Variants in STK3 observed in about 807,000 individuals in gnomAD.
STK3 encodes the protein serine/threonine kinase 3.
Under a neutral mutation model 58.0 loss-of-function variants are expected in STK3, and 41 were observed. That is an observed-to-expected ratio of 0.71 (90% CI 0.55 to 0.92). STK3 has a LOEUF of 0.92. Among genes scored for constraint, STK3 ranks in the 40% least tolerant of loss-of-function variants. The pLI, the probability that STK3 is intolerant of heterozygous loss-of-function variation, is 0.00. For missense variants in STK3, 479 were observed against 602.7 expected (o/e 0.79, Z 2.15); for synonymous variants, 170 against 191.0 (o/e 0.89, Z 0.91).
intron 10 of STK3, among the ~76,000 whole-genome samples, chr8:98,484,279 G>A (rs910612271): frequency 2.0e-5 from 3 of 152,078 alleles, no homozygotes; most frequent in Non-Finnish European, 2.9e-5. Context: ...AATAGTTTTA[G>A]TTTGATACCA....
intron 6 of STK3, 25 bp downstream of exon 6, chr8:98,706,442 T>C: frequency 6.3e-7 from 1 of 1,593,682 alleles, no homozygotes; most frequent in South Asian, 1.2e-5. Flanking sequence ...AGGCTAACAT[T>C]TTCAGCAAAC....
At chr8:98,483,165 G>A (rs1821983332) in intron 10 of STK3, among the ~76,000 whole-genome samples, 1 of 152,152 alleles carries the variant, frequency 6.6e-6, no homozygotes, top group Admixed American at 6.5e-5. Context: ...CTCAAGTCAA[G>A]GCTAGGATGC....
chr8:98,897,168 T>A (rs1328617359), intron 1 of STK3, among the ~76,000 whole-genome samples: 2 of 152,158 alleles, frequency 1.3e-5, no homozygotes, highest in Non-Finnish European at 2.9e-5. Context: ...TCCCAATCCA[T>A]CAGTCTCACT....
chr8:98,905,598 A>C, intron 1 of STK3: 1 of 1,012,676 alleles, frequency 9.9e-7, no homozygotes, highest in Non-Finnish European at 1.6e-6. Context: ...CACCTTCCCT[A>C]CTGCTTGAAA....
rs575195891 is a variant in STK3 at position 98,816,499 on chromosome 8, A to C, written c.26+9016T>G. On this transcript the variant is annotated intron_variant, in intron 1 of 10. Coordinates refer to ENST00000419617, the MANE Select transcript of STK3 (RefSeq NM_006281.4). ...GCACTCCAGCCTCAGTGACAGGGCA[A>C]GATCCTGTCTCAAAAAACAAACAAA... 5.9e-5 allele frequency among the ~76,000 whole-genome samples: 9 copies of C among 152,028 alleles called. No individual in the cohort carries two copies. The South Asian group carries it at 1.9e-3, about 32-fold the overall frequency.
At chr8:98,563,710 T>C (rs377683199) in intron 8 of STK3, among the ~76,000 whole-genome samples, 170 of 152,260 alleles carry the variant, frequency 1.1e-3, no homozygotes, top group African/African-American at 2.4e-3. Flanking sequence ...GATGGGGATA[T>C]GTCATAGGGA....
chr8:98,536,858 T>C (rs1009436512), intron 9 of STK3, among the ~76,000 whole-genome samples: 32 of 152,236 alleles, frequency 2.1e-4, no homozygotes, highest in African/African-American at 7.7e-4. Context: ...GCAGTTTCAC[T>C]GCAGAAACAT....
In STK3 at chr8:98,847,723, T is replaced by TG. The variant is rs1554690035; in HGVS notation, c.110+35923_110+35924insC. Among the ~76,000 whole-genome samples, 90 of 152,244 alleles carry TG rather than the reference T, an allele frequency of 5.9e-4. 1 individual carries two copies. The highest frequency in any genetic ancestry group is 1.8e-3 in the African/African-American group (73 of 41,528). ...CTCTTTTTTTAAAAAAAAGGTTTTT[T>TG]TTTGTTTGTTTGTTTTTACTTTTAA... On this transcript the variant is annotated intron_variant, in intron 3 of 12. Transcript: ENST00000523601.
At chr8:98,868,045 A>G (rs1837209036) in intron 3 of STK3, among the ~76,000 whole-genome samples, 1 of 152,188 alleles carries the variant, frequency 6.6e-6, no homozygotes, top group Admixed American at 6.5e-5. Flanking sequence ...TGGATGTTCC[A>G]TGGATCTGAA....
chr8:98,672,728 T>G (rs908432991), intron 6 of STK3, among the ~76,000 whole-genome samples: 2 of 152,170 alleles, frequency 1.3e-5, no homozygotes, highest in African/African-American at 4.8e-5. Flanking sequence ...AGTAAAGGGT[T>G]AAGATGATTT....
chr8:98,892,618 C>T (rs1350846948), intron 1 of STK3, among the ~76,000 whole-genome samples: 2 of 152,272 alleles, frequency 1.3e-5, no homozygotes, highest in South Asian at 2.1e-4. Flanking sequence ...GCTTGGTACA[C>T]TCTCCCCGTT....
intron 1 of STK3, among the ~76,000 whole-genome samples, chr8:98,917,430 A>G (rs1431510399): frequency 1.3e-5 from 2 of 151,950 alleles, no homozygotes; most frequent in East Asian, 1.9e-4. Flanking sequence ...AACGTTTGTG[A>G]CCCCCAAAAA....
chr8:98,543,029 G>C (rs537770807), intron 9 of STK3, among the ~76,000 whole-genome samples: 45 of 152,290 alleles, frequency 3.0e-4, no homozygotes, highest in Non-Finnish European at 5.7e-4. Context: ...AAGCATGACA[G>C]TGCTGTAAGA....
chr8:98,893,277 T>G (rs1838266481), intron 1 of STK3, among the ~76,000 whole-genome samples: 1 of 151,448 alleles, frequency 6.6e-6, no homozygotes. Context: ...TAGTCCCAGC[T>G]ACTCAGGAGG....
intron 4 of STK3, among the ~76,000 whole-genome samples, chr8:98,708,754 C>G (rs1299603605): frequency 6.6e-6 from 1 of 152,156 alleles, no homozygotes; most frequent in African/African-American, 2.4e-5. Flanking sequence ...ACAAAATCTC[C>G]TAAGACCCTG....
intron 4 of STK3, among the ~76,000 whole-genome samples, chr8:98,725,115 T>A (rs752712851): frequency 1.3e-5 from 2 of 152,168 alleles, no homozygotes; most frequent in Non-Finnish European, 2.9e-5. Flanking sequence ...GTCACTTTCA[T>A]CCAGGAGACT....
chr8:98,836,415 C>A (rs1835750388), intron 3 of STK3, among the ~76,000 whole-genome samples: 1 of 152,174 alleles, frequency 6.6e-6, no homozygotes, highest in Non-Finnish European at 1.5e-5. Context: ...ATGAGGGTAG[C>A]CCTCATGACT....
chr8:98,905,216 T>C (rs1419935698), intron 1 of STK3: 4 of 932,874 alleles, frequency 4.3e-6, no homozygotes, highest in Non-Finnish European at 5.3e-6. Flanking sequence ...CAGTCCGAAG[T>C]CGGGCTTGTG....
At chr8:98,719,890 C>A (rs1053978308) in intron 4 of STK3, among the ~76,000 whole-genome samples, 16 of 152,228 alleles carry the variant, frequency 1.1e-4, no homozygotes, top group African/African-American at 3.9e-4. Flanking sequence ...TATACAGCCT[C>A]TCTTTCATTA....
Sources: allele counts gnomAD v4.1 joint callset (sites outside exome capture counted in the v4.1 genomes callset), GRCh38; gene constraint gnomAD v4.1.1; transcripts MANE v1.5; gene names NCBI Gene and HGNC (gene_info 2026-07-23, HGNC 2026-07-21).